Variants in UNC13C observed in about 807,000 individuals in gnomAD.
UNC13C encodes protein unc-13 homolog C.
Under a neutral mutation model 245.4 loss-of-function variants are expected in UNC13C, and 174 were observed. The observed-to-expected ratio is 0.71, with a 90% CI of 0.63 to 0.80. UNC13C has a LOEUF of 0.80. Ranked by LOEUF, UNC13C falls within the 30% of genes least tolerant of loss-of-function variation. UNC13C has a pLI of 0.00. For missense variants in UNC13C, 2,829 were observed against 2,602.9 expected, an observed-to-expected ratio of 1.09 and a Z score of -1.89; for synonymous variants, 992 against 895.1, an observed-to-expected ratio of 1.11 and a Z score of -1.93.
intron 30 of UNC13C, among the ~76,000 whole-genome samples, chr15:54,597,672 A>G (rs1899171076): frequency 6.6e-6 from 1 of 152,210 alleles, no homozygotes; most frequent in South Asian, 2.1e-4. Flanking sequence ...CATACTAAGA[A>G]CTTAAAATAT....
At chr15:53,922,139 G>C in the UNC13C span, among the ~76,000 whole-genome samples, 1 of 152,142 alleles carries the variant, frequency 6.6e-6, no homozygotes, top group Admixed American at 6.5e-5. Flanking sequence ...TGGTATTACT[G>C]GTTTTTAAAA....
At chr15:54,468,664 G>A (rs1335079890) in intron 19 of UNC13C, among the ~76,000 whole-genome samples, 1 of 151,616 alleles carries the variant, frequency 6.6e-6, no homozygotes, top group African/African-American at 2.4e-5. Flanking sequence ...TCTTTTGCAT[G>A]TGGCTATCCA....
intron 2 of UNC13C, among the ~76,000 whole-genome samples, chr15:54,122,752 T>C (rs991264728): frequency 1.3e-5 from 2 of 152,072 alleles, no homozygotes; most frequent in African/African-American, 2.4e-5. Flanking sequence ...ATCTAGCTTC[T>C]TTCAGTTAGC....
chr15:54,338,506 G>T lies in UNC13C; in HGVS notation c.4713+17G>T, dbSNP rs1305240690. On this transcript the variant is annotated intron_variant, in intron 17 of 32. Coordinates refer to ENST00000260323, the MANE Select transcript of UNC13C (RefSeq NM_001080534.3). ...ACAGACCCGGTAAGAAAATATGTAT[G>T]TCTTTTATAATCGCCACTTTTGTTT... 6.2e-7 allele frequency: 1 copy of T among 1,609,806 alleles called. No homozygotes were observed. Among genetic ancestry groups the T allele is most frequent in the Non-Finnish European group, 8.5e-7 (1 of 1,176,932 alleles).
At chr15:54,381,747 G>A (rs568080957) in intron 17 of UNC13C, among the ~76,000 whole-genome samples, 1 of 151,860 alleles carries the variant, frequency 6.6e-6, no homozygotes, top group East Asian at 1.9e-4. Flanking sequence ...AATATTACTA[G>A]ATATCTAAAA....
chr15:54,377,883 T>C (rs1230452193), intron 17 of UNC13C, among the ~76,000 whole-genome samples: 2 of 152,194 alleles, frequency 1.3e-5, no homozygotes, highest in African/African-American at 2.4e-5. Flanking sequence ...CCGTGGGGAT[T>C]AGACCATATC....
intron 1 of UNC13C, among the ~76,000 whole-genome samples, chr15:54,000,746 A>G (rs886823766): frequency 1.3e-5 from 2 of 152,198 alleles, no homozygotes; most frequent in African/African-American, 2.4e-5. Flanking sequence ...AATCATATAT[A>G]AAGAATACTT....
chr15:54,152,257 T>G (rs2032552792), intron 4 of UNC13C, among the ~76,000 whole-genome samples: 1 of 152,090 alleles, frequency 6.6e-6, no homozygotes, highest in Admixed American at 6.6e-5. Context: ...ATCACAGGAG[T>G]GCCAACTTAA....
At chr15:54,553,726 G>T (rs906214827) in intron 28 of UNC13C, among the ~76,000 whole-genome samples, 6 of 151,084 alleles carry the variant, frequency 4.0e-5, no homozygotes, top group Admixed American at 2.0e-4. Context: ...ATGATCTGTT[G>T]CTAAATTCTA....
At chr15:54,282,520 A>G (rs1195828137) in intron 10 of UNC13C, among the ~76,000 whole-genome samples, 1 of 152,128 alleles carries the variant, frequency 6.6e-6, no homozygotes, top group East Asian at 1.9e-4. Context: ...GGCACTGCCC[A>G]GGTGAGGGTG....
At chr15:54,333,963 A>G (rs895845571) in intron 16 of UNC13C, 107 bp downstream of exon 16, 7 of 746,146 alleles carry the variant, frequency 9.4e-6, no homozygotes, top group African/African-American at 7.0e-5. Flanking sequence ...TGTTAACTCC[A>G]TCGATTAAGC....
chr15:54,027,255 T>C (rs1344517748), intron 2 of UNC13C, among the ~76,000 whole-genome samples: 3 of 152,176 alleles, frequency 2.0e-5, no homozygotes, highest in Non-Finnish European at 4.4e-5. Flanking sequence ...TCTGTGTCTT[T>C]TGAATTTTTC....
Position 54,389,071 on chromosome 15 carries a change from C to G in UNC13C, c.4714-3977C>G, listed in dbSNP as rs193265516. 2.8e-4 allele frequency among the ~76,000 whole-genome samples: 42 copies of G among 152,222 alleles called. No homozygotes were observed. The East Asian group carries it at 7.0e-3, about 25-fold the overall frequency. ...GTCCTTATCATGTTTGGTTTCAATGCAAACTCCCTGACATGACACACAAAA... is the reference window on the plus strand; with the variant it reads ...GTCCTTATCATGTTTGGTTTCAATGGAAACTCCCTGACATGACACACAAAA... On this transcript the variant is annotated intron_variant, in intron 17 of 32. Transcript: ENST00000260323.
chr15:54,411,247 T>A (rs943754451), intron 18 of UNC13C, among the ~76,000 whole-genome samples: 12 of 152,196 alleles, frequency 7.9e-5, no homozygotes, highest in Non-Finnish European at 1.5e-5. Context: ...TATAAGTCCT[T>A]TATCAGTCAC....
rs756003043 is a variant in UNC13C, at chr15:54,014,282, T to G, written c.1379T>G (p.Leu460Arg). Residue 460 changes from leucine (L) to arginine (R), a missense_variant, in exon 2 of 33, where the codon CTC becomes CGC. Leu to Arg is a moderately radical substitution (Grantham distance 102). Coordinates refer to ENST00000260323, the MANE Select transcript of UNC13C (RefSeq NM_001080534.3). ...AGTGATGAAGATCTTGAATCTGACCTCAATAGAAACAGTTACGCTGTGCTT... is the reference window on the plus strand; with the variant it reads ...AGTGATGAAGATCTTGAATCTGACCGCAATAGAAACAGTTACGCTGTGCTT... The part of the protein sequence containing the change: ...DDSDEDLESD[L>R]NRNSYAVLSK... 5.6e-6 allele frequency: 9 copies of G among 1,613,888 alleles called. No individual in the cohort carries two copies. The South Asian group carries it at 6.6e-5, about 12-fold the overall frequency.
At chr15:54,485,611 C>T (rs560708456) in intron 19 of UNC13C, among the ~76,000 whole-genome samples, 23 of 152,316 alleles carry the variant, frequency 1.5e-4, no homozygotes, top group African/African-American at 5.5e-4. Flanking sequence ...AGACCAAAAT[C>T]ATGCAGTTTT....
chr15:54,457,989 T>C (rs965450788), intron 19 of UNC13C, among the ~76,000 whole-genome samples: 1 of 150,826 alleles, frequency 6.6e-6, no homozygotes, highest in Non-Finnish European at 1.5e-5. Flanking sequence ...TATTGTCTAC[T>C]TGTGCTGTTT....
At chr15:54,325,740 T>C (rs984744226) in intron 14 of UNC13C, among the ~76,000 whole-genome samples, 1 of 152,048 alleles carries the variant, frequency 6.6e-6, no homozygotes, top group Non-Finnish European at 1.5e-5. Context: ...CTGTATTAAC[T>C]TTATAACAAC....
chr15:54,317,269 C>A (rs994244), intron 13 of UNC13C, among the ~76,000 whole-genome samples: 1 of 151,626 alleles, frequency 6.6e-6, no homozygotes, highest in Non-Finnish European at 1.5e-5. Context: ...TAATGATAAA[C>A]GTGTGGTGAA....
Sources: allele counts gnomAD v4.1 joint callset (sites outside exome capture counted in the v4.1 genomes callset), GRCh38; gene constraint gnomAD v4.1.1; transcripts MANE v1.5; gene names NCBI Gene and HGNC (gene_info 2026-07-23, HGNC 2026-07-21).